The following ZNF407 variants were observed in gnomAD, a reference collection of about 807,000 sequenced individuals.
The protein encoded by ZNF407 is zinc finger protein 407.
Under a neutral mutation model 131.2 loss-of-function variants are expected in ZNF407, and 17 were observed. That is an observed-to-expected ratio of 0.13 (90% CI 0.09 to 0.19). The LOEUF (loss-of-function observed/expected upper bound fraction) is 0.19, where lower values mean the gene tolerates loss of function less well. Ranked by LOEUF, ZNF407 falls within the 10% of genes least tolerant of loss-of-function variation. ZNF407 has a pLI of 1.00. For missense variants in ZNF407, 2,681 were observed against 2,830.6 expected (o/e 0.95, Z 1.20); for synonymous variants, 1,156 against 1,062.0 (o/e 1.09, Z -1.72).
chr18:75,000,477 T>C (rs1209731581), intron 8 of ZNF407, among the ~76,000 whole-genome samples: 1 of 152,242 alleles, frequency 6.6e-6, no homozygotes, highest in Non-Finnish European at 1.5e-5. Flanking sequence ...TCTCTTTTTC[T>C]TGGTGCTCCT....
chr18:74,800,870 A>G (rs1259135194), intron 4 of ZNF407, among the ~76,000 whole-genome samples: 1 of 152,088 alleles, frequency 6.6e-6, no homozygotes, highest in African/African-American at 2.4e-5. Flanking sequence ...CTTTTATGTC[A>G]TTTGTCAGGT....
chr18:74,880,344 G>A (rs1289748557), intron 5 of ZNF407, among the ~76,000 whole-genome samples: 1 of 152,156 alleles, frequency 6.6e-6, no homozygotes, highest in Non-Finnish European at 1.5e-5. Context: ...TGTTGCAAAG[G>A]TTTCCAATCC....
At chr18:74,785,613 A>G (rs537047090) in intron 4 of ZNF407, among the ~76,000 whole-genome samples, 1 of 152,216 alleles carries the variant, frequency 6.6e-6, no homozygotes, top group Non-Finnish European at 1.5e-5. Flanking sequence ...AAAAACTTGC[A>G]TATTTATAAG....
chr18:74,830,137 A>G (rs1327783144), intron 4 of ZNF407, among the ~76,000 whole-genome samples: 1 of 152,148 alleles, frequency 6.6e-6, no homozygotes, highest in Non-Finnish European at 1.5e-5. Context: ...CACCAACCCT[A>G]ATGACACCTT....
chr18:74,727,467 A>G (rs1968185381), intron 3 of ZNF407, among the ~76,000 whole-genome samples: 1 of 152,162 alleles, frequency 6.6e-6, no homozygotes, highest in Non-Finnish European at 1.5e-5. Flanking sequence ...AGTATTAGAT[A>G]ACAGTAGGTG....
intron 2 of ZNF407, among the ~76,000 whole-genome samples, chr18:74,639,243 A>G (rs978135321): frequency 1.3e-5 from 2 of 152,200 alleles, no homozygotes; most frequent in Non-Finnish European, 2.9e-5. Flanking sequence ...GTGCTGTGTG[A>G]GCAAAATGAA....
intron 3 of ZNF407, among the ~76,000 whole-genome samples, chr18:74,644,722 A>G (rs1164394734): frequency 1.3e-5 from 2 of 151,948 alleles, no homozygotes; most frequent in Admixed American, 1.3e-4. Context: ...TACTGATGGG[A>G]AACTTAATAT....
intron 3 of ZNF407, among the ~76,000 whole-genome samples, chr18:74,762,748 T>C (rs1288243348): frequency 1.3e-5 from 2 of 152,112 alleles, no homozygotes; most frequent in Non-Finnish European, 2.9e-5. Context: ...TTAGATTTTT[T>C]CTTTTTTGTT....
intron 4 of ZNF407, among the ~76,000 whole-genome samples, chr18:74,837,289 A>G (rs983115390): frequency 2.0e-5 from 3 of 152,178 alleles, no homozygotes; most frequent in African/African-American, 7.2e-5. Flanking sequence ...ACCAGATAAC[A>G]TGTTGATGAT....
At chr18:74,932,282 A>G (rs1460693759) in intron 8 of ZNF407, among the ~76,000 whole-genome samples, 1 of 152,132 alleles carries the variant, frequency 6.6e-6, no homozygotes, top group African/African-American at 2.4e-5. Flanking sequence ...AGCAGTATTT[A>G]TTGAAAACAC....
At chr18:74,935,657 C>A (rs937591893) in intron 8 of ZNF407, among the ~76,000 whole-genome samples, 1 of 152,074 alleles carries the variant, frequency 6.6e-6, no homozygotes, top group Non-Finnish European at 1.5e-5. Flanking sequence ...TGCATGAAGG[C>A]AAGGGGGAGG....
chr18:74,614,289 G>A (rs1983189363), intron 1 of ZNF407, among the ~76,000 whole-genome samples: 1 of 152,136 alleles, frequency 6.6e-6, no homozygotes, highest in Admixed American at 6.5e-5. Context: ...TTCAATATGG[G>A]TGGTGTTCTA....
At chr18:74,704,733 A>T (rs980675642) in intron 3 of ZNF407, among the ~76,000 whole-genome samples, 1 of 152,176 alleles carries the variant, frequency 6.6e-6, no homozygotes, top group Non-Finnish European at 1.5e-5. Flanking sequence ...CTTTAGCAAG[A>T]TGTTTTCTTG....
intron 8 of ZNF407, among the ~76,000 whole-genome samples, chr18:75,004,040 C>G (rs1222434336): frequency 6.6e-6 from 1 of 152,176 alleles, no homozygotes; most frequent in African/African-American, 2.4e-5. Flanking sequence ...GTTTGTATTT[C>G]TATTTGTGTT....
At chr18:75,057,199 G>A (rs910012263) in intron 8 of ZNF407, among the ~76,000 whole-genome samples, 1 of 152,164 alleles carries the variant, frequency 6.6e-6, no homozygotes, top group African/African-American at 2.4e-5. Context: ...TCAACATTTA[G>A]TACCATTTCA....
At chr18:74,918,098 C>T (rs1971797151) in intron 7 of ZNF407, among the ~76,000 whole-genome samples, 1 of 152,156 alleles carries the variant, frequency 6.6e-6, no homozygotes, top group South Asian at 2.1e-4. Flanking sequence ...ACATTTGTGT[C>T]AGTCACCTTC....
At chr18:74,659,475 A>T (rs2144727934) in intron 3 of ZNF407, among the ~76,000 whole-genome samples, 1 of 152,330 alleles carries the variant, frequency 6.6e-6, no homozygotes, top group African/African-American at 2.4e-5. Flanking sequence ...ATATATCTGA[A>T]TATTCTAAGA....
At chr18:74,894,549 A>G (rs186215131) in intron 7 of ZNF407, among the ~76,000 whole-genome samples, 15 of 152,204 alleles carry the variant, frequency 9.9e-5, no homozygotes, top group Admixed American at 5.9e-4. Context: ...CACTCATCAC[A>G]TTGGCTTCCA....
intron 4 of ZNF407, among the ~76,000 whole-genome samples, chr18:74,848,719 G>A (rs1003620259): frequency 2.0e-5 from 3 of 152,108 alleles, no homozygotes; most frequent in African/African-American, 7.2e-5. Flanking sequence ...TCTTTTTCTC[G>A]CTTCAGCTCC....
Sources: gnomAD v4.1 joint callset for allele counts (sites outside exome capture counted in the v4.1 genomes callset) on GRCh38, gnomAD v4.1.1 for gene constraint, MANE v1.5 for transcripts, NCBI Gene and HGNC (gene_info 2026-07-23, HGNC 2026-07-21) for gene names.